Variants in PRR11 observed in about 807,000 individuals in gnomAD.
PRR11 encodes the protein proline rich 11.
PRR11 carries 30 observed loss-of-function variants against 45.6 expected under a neutral mutation model. The observed-to-expected ratio is 0.66, with a 90% confidence interval of 0.49 to 0.89. The LOEUF (loss-of-function observed/expected upper bound fraction) is 0.89. Among genes scored for constraint, PRR11 ranks in the 40% least tolerant of loss-of-function variants. The pLI, the probability that PRR11 is intolerant of heterozygous loss-of-function variation, is 0.00. For missense variants in PRR11, 373 were observed against 424.8 expected (o/e 0.88, Z 1.07); for synonymous variants, 128 against 153.5 (o/e 0.83, Z 1.23).
chr17:59,192,351 C>A (rs935401566), intron 4 of PRR11, among the ~76,000 whole-genome samples: 1 of 152,064 alleles, frequency 6.6e-6, no homozygotes, highest in Non-Finnish European at 1.5e-5. Context: ...AAGCACTGTG[C>A]GAAAATAAGC....
intron 1 of PRR11, among the ~76,000 whole-genome samples, chr17:59,165,697 C>CA (rs1271197222): frequency 2.9e-5 from 4 of 137,812 alleles, no homozygotes; most frequent in Non-Finnish European, 4.8e-5. Flanking sequence ...GAGGCTGAGG[C>CA]AGGAGAATCG....
intron 2 of PRR11, chr17:59,179,787 C>T (rs1599699567): frequency 7.3e-7 from 1 of 1,367,824 alleles, no homozygotes. Context: ...TTCTCTGGCT[C>T]CTCCTCCGAT....
At chr17:59,168,107 C>G (rs753404456) in intron 1 of PRR11, among the ~76,000 whole-genome samples, 3 of 151,990 alleles carry the variant, frequency 2.0e-5, no homozygotes, top group Non-Finnish European at 4.4e-5. Context: ...GGGAAAGATA[C>G]TATCCCTCTA....
chr17:59,174,754 T>C (rs148989531), intron 2 of PRR11, among the ~76,000 whole-genome samples: 357 of 152,272 alleles, frequency 2.3e-3, no homozygotes, highest in African/African-American at 8.2e-3. Context: ...GCTGATGACC[T>C]CAGGCCTCAC....
chr17:59,181,358 G>A (rs996032627), intron 2 of PRR11, among the ~76,000 whole-genome samples: 24 of 151,714 alleles, frequency 1.6e-4, no homozygotes, highest in Non-Finnish European at 1.9e-4. Flanking sequence ...CATCTCCTAA[G>A]CGTCCCTCAT....
At chr17:59,189,527 T>G (rs982569778) in intron 4 of PRR11, among the ~76,000 whole-genome samples, 19 of 151,918 alleles carry the variant, frequency 1.3e-4, no homozygotes. Context: ...AGAGACAGGA[T>G]CTCACCATGT....
intron 1 of PRR11, among the ~76,000 whole-genome samples, chr17:59,161,398 G>A (rs1282578820): frequency 3.6e-5 from 5 of 138,374 alleles, no homozygotes; most frequent in South Asian, 2.3e-4. Flanking sequence ...GCAACAGAGC[G>A]AGACTCCGTC....
At chr17:59,167,256 A>C (rs1475199190) in intron 1 of PRR11, among the ~76,000 whole-genome samples, 1 of 152,224 alleles carries the variant, frequency 6.6e-6, no homozygotes, top group African/African-American at 2.4e-5. Flanking sequence ...TGAATAGGTC[A>C]GGGTAGTTAG....
At chr17:59,182,389 C>CTTTTT (rs147890743) in intron 2 of PRR11, among the ~76,000 whole-genome samples, 15 of 107,354 alleles carry the variant, frequency 1.4e-4, no homozygotes, top group African/African-American at 3.9e-4. Context: ...TCTGACCCTT[C>CTTTTT]TTTTTTTTTT....
At chr17:59,197,437 G>A (rs2046871901) in intron 7 of PRR11, 107 bp from the exon 8 acceptor site, 1 of 1,038,396 alleles carries the variant, frequency 9.6e-7, no homozygotes, top group African/African-American at 1.6e-5. Context: ...ATTTTTAATA[G>A]AGACAAGGTT....
rs568620673 is a variant in PRR11 at position 59,174,992 on chromosome 17, C to T, written c.128+5112C>T. ...ACTACTCCAGGGAAACCCAAGCCCT[C>T]CAGCGCATGGAACGGAAGAACTGGA... On this transcript the variant is annotated intron_variant, in intron 2 of 9. Coordinates refer to ENST00000262293, the MANE Select transcript of PRR11 (RefSeq NM_018304.4). The T allele has an allele frequency of 1.0e-5, 8 of 765,806 alleles. No individual in the cohort carries two copies. In the South Asian group the frequency reaches 1.1e-4, roughly 11 times the overall value. 47.4% of individuals were successfully genotyped at this position (765,806 alleles called of 1,614,324 possible). A position where few individuals can be genotyped will look rare whatever the true frequency, so the allele number is the denominator to read the frequency against.
At chr17:59,162,984 CCT>C (rs2046661293) in intron 1 of PRR11, among the ~76,000 whole-genome samples, 1 of 152,112 alleles carries the variant, frequency 6.6e-6, no homozygotes, top group African/African-American at 2.4e-5. Flanking sequence ...CCTGCCTCAG[CCT>C]CTCAAAGTGC....
chr17:59,187,048 G>A (rs909370279), intron 4 of PRR11, among the ~76,000 whole-genome samples: 1 of 152,062 alleles, frequency 6.6e-6, no homozygotes, highest in East Asian at 1.9e-4. Flanking sequence ...AGTAGGGCCA[G>A]GCACAGTGAC....
At chr17:59,171,444 C>T (rs2046708105) in intron 2 of PRR11, among the ~76,000 whole-genome samples, 1 of 151,964 alleles carries the variant, frequency 6.6e-6, no homozygotes, top group Non-Finnish European at 1.5e-5. Context: ...AAAAGGAGTG[C>T]TCCCTTCAGC....
chr17:59,178,573 G>C (rs561003335), intron 2 of PRR11: 91 of 524,788 alleles, frequency 1.7e-4, no homozygotes, highest in South Asian at 7.2e-4. Flanking sequence ...AGCAGGACAG[G>C]GTTTCCGTGG....
In PRR11 at chr17:59,193,623, A is replaced by C. The variant is rs2046849888; in HGVS notation, c.534A>C (p.Pro178=). 2 of 1,614,118 alleles carry C rather than the reference A, an allele frequency of 1.2e-6. No individual in the cohort carries two copies. The highest frequency in any genetic ancestry group is 1.7e-6 in the Non-Finnish European group (2 of 1,180,018). The change falls in exon 5 of 10, where the codon CCA becomes CCC. Residue 178 remains proline, a synonymous_variant. Coordinates refer to ENST00000262293, the MANE Select transcript of PRR11 (RefSeq NM_018304.4). ...DSKAVLPPTL[P]QPASHFPPPP... ...AAGCTGTGCTTCCTCCCACACTGCC[A>C]CAGCCAGCCAGCCATTTTCCTCCTC...
At chr17:59,165,003 CG>C (rs1568317675) in intron 1 of PRR11, among the ~76,000 whole-genome samples, 1 of 151,780 alleles carries the variant, frequency 6.6e-6, no homozygotes, top group African/African-American at 2.4e-5. Flanking sequence ...TTTTATCTTG[CG>C]TTTTTGTTTT....
At chr17:59,197,237 A>G (rs147915152) in intron 7 of PRR11, among the ~76,000 whole-genome samples, 1 of 150,762 alleles carries the variant, frequency 6.6e-6, no homozygotes, top group Admixed American at 6.7e-5. Flanking sequence ...AAAAATAATA[A>G]AATCTGGCAA....
At chr17:59,164,507 G>A (rs2046669546) in intron 1 of PRR11, among the ~76,000 whole-genome samples, 1 of 151,964 alleles carries the variant, frequency 6.6e-6, no homozygotes, top group Admixed American at 6.6e-5. Flanking sequence ...CTGGGCAACA[G>A]AAAAAGAATG....
Sources: allele counts gnomAD v4.1 joint callset (sites outside exome capture counted in the v4.1 genomes callset), GRCh38; gene constraint gnomAD v4.1.1; transcripts MANE v1.5; gene names NCBI Gene and HGNC (gene_info 2026-07-23, HGNC 2026-07-21).